The following KIF5B variants were observed in gnomAD, a reference collection of about 807,000 sequenced individuals.
KIF5B encodes the protein kinesin family member 5B.
Under a neutral mutation model 132.8 loss-of-function variants are expected in KIF5B, and 49 were observed. That is an observed-to-expected ratio of 0.37 (90% CI 0.29 to 0.47). The LOEUF (loss-of-function observed/expected upper bound fraction) is 0.47, where lower values mean the gene tolerates loss of function less well. Ranked by LOEUF, KIF5B falls within the 20% of genes least tolerant of loss-of-function variation. KIF5B has a pLI of 1.00. For missense variants in KIF5B, 780 were observed against 1,144.0 expected, an observed-to-expected ratio of 0.68 and a Z score of 4.59; for synonymous variants, 355 against 369.4, an observed-to-expected ratio of 0.96 and a Z score of 0.45.
At chr10:32,028,642 G>C in intron 14 of KIF5B, 71 bp from the exon 15 acceptor site, 1 of 1,330,956 alleles carries the variant, frequency 7.5e-7, no homozygotes, top group South Asian at 1.3e-5. Context: ...ACTCATCGGT[G>C]TTTCAAGTTT....
chr10:32,049,883 G>A (rs1398285498), intron 1 of KIF5B, among the ~76,000 whole-genome samples: 1 of 152,166 alleles, frequency 6.6e-6, no homozygotes, highest in Non-Finnish European at 1.5e-5. Context: ...AAAAGAATGG[G>A]AGGTAACCAA....
At position 32,034,802 on chromosome 10, in the gene KIF5B, C is replaced by T. The variant is rs1841443647; in HGVS notation, c.999G>A (p.Val333=). ...TTTTCCACTGTTCTGCAGTTAACTC[C>T]ACATTGACACAAACTGTGTTCTTAA... ...KTIKNTVCVN[V]ELTAEQWKKK... is the part of the protein sequence containing the mutation. The change falls in exon 11 of 26, where the codon GTG becomes GTA. Residue 333 remains valine (V), a synonymous_variant. Coordinates refer to ENST00000302418, the MANE Select transcript of KIF5B (RefSeq NM_004521.3). 13 of 1,601,762 alleles carry T rather than the reference C, an allele frequency of 8.1e-6. No individual in the cohort carries two copies. Among genetic ancestry groups the T allele is most frequent in the Non-Finnish European group, 1.1e-5 (13 of 1,175,314 alleles).
At chr10:32,017,391 G>A (rs1437803284) in intron 23 of KIF5B, 32 bp from the exon 24 acceptor site, 20 of 1,507,216 alleles carry the variant, frequency 1.3e-5, no homozygotes, top group Non-Finnish European at 1.6e-5. Context: ...AAGGATTCCA[G>A]ATTTAACAGG....
chr10:32,048,958 T>G (rs1253408863), intron 1 of KIF5B, among the ~76,000 whole-genome samples: 1 of 152,128 alleles, frequency 6.6e-6, no homozygotes, highest in East Asian at 1.9e-4. Flanking sequence ...AGCCTCAACC[T>G]CCTGGGCTCA....
intron 2 of KIF5B, among the ~76,000 whole-genome samples, chr10:32,046,189 C>A (rs2132613522): frequency 6.6e-6 from 1 of 152,202 alleles, no homozygotes; most frequent in South Asian, 2.1e-4. Flanking sequence ...ACAAAAAAGA[C>A]CTGTATATTC....
chr10:32,019,268 T>A (rs541858475), intron 20 of KIF5B, among the ~76,000 whole-genome samples: 10 of 152,362 alleles, frequency 6.6e-5, no homozygotes, highest in African/African-American at 2.4e-4. Flanking sequence ...AGAATCTTCA[T>A]ATAATCCACT....
At chr10:32,030,437 C>T (rs886914979) in intron 14 of KIF5B, among the ~76,000 whole-genome samples, 3 of 151,788 alleles carry the variant, frequency 2.0e-5, no homozygotes, top group Non-Finnish European at 2.9e-5. Context: ...AATCATTGAA[C>T]CCAGGAGGCA....
chr10:32,020,173 G>A (rs561500494), intron 19 of KIF5B, among the ~76,000 whole-genome samples: 60 of 152,158 alleles, frequency 3.9e-4, no homozygotes, highest in African/African-American at 1.3e-3. Flanking sequence ...GTTCTCCTCT[G>A]TCTTTCATCT....
chr10:32,025,465 T>G (rs541036812), intron 15 of KIF5B, among the ~76,000 whole-genome samples: 1 of 152,288 alleles, frequency 6.6e-6, no homozygotes, highest in Admixed American at 6.5e-5. Context: ...AACCTCCACT[T>G]CCTGGGCTCA....
intron 19 of KIF5B, among the ~76,000 whole-genome samples, chr10:32,020,459 C>T (rs1486420715): frequency 6.6e-6 from 1 of 152,062 alleles, no homozygotes; most frequent in Non-Finnish European, 1.5e-5. Flanking sequence ...GTCAGGGTCT[C>T]GCTCTGTCAC....
rs902577893 is a variant in KIF5B at position 32,010,590 on chromosome 10, G to A, written c.*947C>T. On this transcript the variant is annotated 3_prime_UTR_variant, in exon 26 of 26. Coordinates refer to ENST00000302418, the MANE Select transcript of KIF5B (RefSeq NM_004521.3). ...TAGGTCGGCCAATAAAGTACTAACC[G>A]TATAAAATTATGTTTAATCCTATAA... is the stretch of plus-strand genomic sequence containing the variant. The A allele has an allele frequency of 9.2e-5, 14 of 151,852 alleles. No individual in the cohort carries two copies. Among genetic ancestry groups the A allele is most frequent in the Admixed American group, 3.3e-4 (5 of 15,246 alleles). The allele number at this position is 151,852 out of a possible 1,614,324, so 9.4% of individuals were successfully genotyped here. A position where few individuals can be genotyped will look rare whatever the true frequency, so the allele number is the denominator to read the frequency against.
At chr10:32,027,322 G>A (rs1030141814) in intron 15 of KIF5B, among the ~76,000 whole-genome samples, 1 of 152,086 alleles carries the variant, frequency 6.6e-6, no homozygotes, top group Non-Finnish European at 1.5e-5. Flanking sequence ...TCTTAGTTTG[G>A]TTCTTTGGTC....
intron 15 of KIF5B, among the ~76,000 whole-genome samples, chr10:32,023,496 T>C (rs1287266385): frequency 6.6e-6 from 1 of 152,198 alleles, no homozygotes; most frequent in Non-Finnish European, 1.5e-5. Context: ...TGTATATTCC[T>C]TCACCTTCAG....
Position 32,030,135 on chromosome 10 carries a change from T to C in KIF5B, c.1581+938A>G, listed in dbSNP as rs575516795. On this transcript the variant is annotated intron_variant, in intron 14 of 25. Coordinates refer to ENST00000302418, the MANE Select transcript of KIF5B (RefSeq NM_004521.3). ...ACAAAATAGCTCCTCCATGATGATG[T>C]TGAAACATTCATAGCTATGTATTAT... Among the ~76,000 whole-genome samples the C allele has an allele frequency of 8.5e-5, 13 of 152,362 alleles. No individual in the cohort carries two copies. The South Asian group carries it at 2.5e-3, about 29-fold the overall frequency.
intron 13 of KIF5B, among the ~76,000 whole-genome samples, 175 bp downstream of exon 13, chr10:32,032,531 G>T (rs1433801505): frequency 6.6e-6 from 1 of 152,166 alleles, no homozygotes; most frequent in Non-Finnish European, 1.5e-5. Context: ...ACAACAGATT[G>T]TATCTGGGTA....
In KIF5B at chr10:32,033,827, A is replaced by G; in HGVS notation, c.1305+18T>C. On this transcript the variant is annotated intron_variant, in intron 12 of 25. Coordinates refer to ENST00000302418, the MANE Select transcript of KIF5B (RefSeq NM_004521.3). ...TAGTATCCTAATATAAAGCAGACCT[A>G]AATCAAGCAATACCTACCTTGTCAT... The G allele has an allele frequency of 6.3e-7, 1 of 1,579,410 alleles. No homozygotes were observed. Among genetic ancestry groups the G allele is most frequent in the Non-Finnish European group, 8.7e-7 (1 of 1,152,182 alleles).
chr10:32,015,078 C>T (rs1192108407), intron 25 of KIF5B, among the ~76,000 whole-genome samples: 4 of 150,952 alleles, frequency 2.6e-5, no homozygotes, highest in South Asian at 4.2e-4. Flanking sequence ...GCTGAGATCA[C>T]GCCATTGCAC....
chr10:32,053,560 C>T (rs534085121), intron 1 of KIF5B, among the ~76,000 whole-genome samples: 35 of 151,908 alleles, frequency 2.3e-4, no homozygotes, highest in African/African-American at 6.5e-4. Flanking sequence ...CCCATCTCTA[C>T]TAAAAATACA....
At chr10:32,011,867 C>T (rs1478205685) in intron 25 of KIF5B, among the ~76,000 whole-genome samples, 2 of 151,556 alleles carry the variant, frequency 1.3e-5, no homozygotes, top group East Asian at 3.9e-4. Flanking sequence ...AGACAGTGGT[C>T]AGTGACCTTC....
Sources: allele counts gnomAD v4.1 joint callset (sites outside exome capture counted in the v4.1 genomes callset), GRCh38; gene constraint gnomAD v4.1.1; transcripts MANE v1.5; gene names NCBI Gene and HGNC (gene_info 2026-07-23, HGNC 2026-07-21).